The following KIAA0319 variants were observed in gnomAD, a reference collection of about 807,000 sequenced individuals.
KIAA0319 encodes the protein dyslexia-associated protein KIAA0319.
KIAA0319 carries 83 observed loss-of-function variants against 108.4 expected under a neutral mutation model. The observed-to-expected ratio is 0.77, with a 90% confidence interval of 0.64 to 0.92. The LOEUF is 0.92. Among genes scored for constraint, KIAA0319 ranks in the 40% least tolerant of loss-of-function variants. The pLI is 0.00. For synonymous variants in KIAA0319, 484 were observed against 510.4 expected (o/e 0.95, Z 0.70); for missense variants, 1,195 against 1,322.4 (o/e 0.90, Z 1.49).
chr6:24,605,108 TG>T (rs1217762836), intron 1 of KIAA0319, among the ~76,000 whole-genome samples: 2 of 152,260 alleles, frequency 1.3e-5, no homozygotes, highest in Non-Finnish European at 2.9e-5. Flanking sequence ...CCCAAAGTGC[TG>T]GGATTATAGG....
intron 20 of KIAA0319, among the ~76,000 whole-genome samples, 164 bp downstream of exon 20, chr6:24,551,270 G>A (rs1283491014): frequency 6.6e-6 from 1 of 152,014 alleles, no homozygotes; most frequent in South Asian, 2.1e-4. Flanking sequence ...CACTGGGCCC[G>A]GCCTGAAGGT....
Position 24,554,874 on chromosome 6 carries a change from C to T in KIAA0319, c.2858-243G>A, listed in dbSNP as rs558671787. Among the ~76,000 whole-genome samples the T allele has an allele frequency of 5.9e-5, 9 of 152,212 alleles. No individual in the cohort carries two copies. In the East Asian group the frequency reaches 9.7e-4, roughly 16 times the overall value. ...GGCCTCACGGAGCACATATTTCATGCGAACTTGGGAACAGAATAATCTGAA... is the reference window on the plus strand; with the variant it reads ...GGCCTCACGGAGCACATATTTCATGTGAACTTGGGAACAGAATAATCTGAA... On this transcript the variant is annotated intron_variant, in intron 18 of 20. Transcript: ENST00000378214.
chr6:24,640,561 C>T (rs990492962), intron 1 of KIAA0319, among the ~76,000 whole-genome samples: 4 of 152,056 alleles, frequency 2.6e-5, no homozygotes, highest in Non-Finnish European at 4.4e-5. Flanking sequence ...AAGAGATCTG[C>T]GCTTTATTTA....
chr6:24,563,626 AC>A, intron 15 of KIAA0319, 108 bp from the exon 16 acceptor site: 1 of 1,006,478 alleles, frequency 9.9e-7, no homozygotes, highest in Non-Finnish European at 1.4e-6. Context: ...TGCCATTTCT[AC>A]ATTTGAGTTG....
intron 1 of KIAA0319, among the ~76,000 whole-genome samples, chr6:24,619,768 CAG>C (rs1347201540): frequency 1.4e-4 from 22 of 152,292 alleles, no homozygotes; most frequent in Admixed American, 1.3e-3. Context: ...CATGCATCTG[CAG>C]AGAGACCTTA....
intron 3 of KIAA0319, among the ~76,000 whole-genome samples, chr6:24,591,029 T>C (rs1028149969): frequency 1.3e-5 from 2 of 152,226 alleles, no homozygotes; most frequent in African/African-American, 4.8e-5. Flanking sequence ...ACTCATTTAC[T>C]TTAAAACAAC....
At chr6:24,643,705 AT>A (rs1562130501) in intron 1 of KIAA0319, among the ~76,000 whole-genome samples, 1 of 152,258 alleles carries the variant, frequency 6.6e-6, no homozygotes, top group Non-Finnish European at 1.5e-5. Context: ...TATGAAAAAT[AT>A]TTCCTGAAAA....
Position 24,566,668 on chromosome 6 carries a change from A to C in KIAA0319, c.2221T>G (p.Ser741Ala). The change falls in exon 14 of 21, where the codon TCA becomes GCA. Residue 741 changes from serine (S) to alanine (A), a missense_variant. By Grantham distance (99) the Ser-to-Ala change is moderately conservative (BLOSUM62 1). Transcript: ENST00000378214. ...ATTCTTTGGTCATCAGTAGACCTTG[A>C]ACCATCCAAAGTAATGGAATTATTG... The part of the protein sequence containing the change: ...LPNNSITLDG[S>A]RSTDDQRIVS... 1 of 1,613,756 alleles carries C rather than the reference A, an allele frequency of 6.2e-7. No individual in the cohort carries two copies.
chr6:24,575,871 C>T (rs1361692854), intron 10 of KIAA0319, among the ~76,000 whole-genome samples: 2 of 151,744 alleles, frequency 1.3e-5, no homozygotes, highest in Non-Finnish European at 2.9e-5. Context: ...ACACACACAA[C>T]AGAAGTTTCA....
intron 3 of KIAA0319, among the ~76,000 whole-genome samples, chr6:24,590,296 C>G (rs1315552995): frequency 1.3e-5 from 1 of 74,824 alleles, no homozygotes; most frequent in African/African-American, 4.5e-5. Flanking sequence ...AGAACGAAGG[C>G]AAAAAAAAAA....
downstream of KIAA0319, among the ~76,000 whole-genome samples, chr6:24,543,892 C>T (rs368394256): frequency 1.4e-4 from 21 of 152,182 alleles, no homozygotes; most frequent in Non-Finnish European, 1.6e-4. Flanking sequence ...CAGAGGAAGG[C>T]GAGCTGACTG....
Position 24,601,111 on chromosome 6 carries a change from C to G in KIAA0319, c.-8G>C, listed in dbSNP as rs1317043892. ...ACCTGTGGGGGGCGCCATTGTGCAC[C>G]ACACAGTGGGTGATGGCAGGCTTCT... On this transcript the variant is annotated 5_prime_UTR_variant, in exon 2 of 21. Transcript: ENST00000378214. 1 of 1,613,880 alleles carries G rather than the reference C, an allele frequency of 6.2e-7. No individual in the cohort carries two copies. The highest frequency in any genetic ancestry group is 1.3e-5 in the African/African-American group (1 of 74,898).
rs1760347597 is a variant in KIAA0319 at position 24,544,212 on chromosome 6, A to C, written c.*2953T>G. ...TTAACCATTTGAAAACATAAGACCCACTTTTCGGCTCATGGGGCGTGCACA... is the reference window on the plus strand; with the variant it reads ...TTAACCATTTGAAAACATAAGACCCCCTTTTCGGCTCATGGGGCGTGCACA... On this transcript the variant is annotated 3_prime_UTR_variant, in exon 21 of 21. Coordinates refer to ENST00000378214, the MANE Select transcript of KIAA0319 (RefSeq NM_014809.4). The C allele has an allele frequency of 6.6e-6, 1 of 152,188 alleles. No homozygotes were observed. The highest frequency in any genetic ancestry group is 1.5e-5 in the Non-Finnish European group (1 of 68,042). 9.4% of individuals were successfully genotyped at this position (152,188 alleles called of 1,614,324 possible).
rs1469625960 is a variant in KIAA0319, at chr6:24,588,638, T to G, written c.949A>C (p.Thr317Pro). ...PPTSAAPSES[T>P]PSELPISPTT... ...GGAGATATGGGTAGCTCAGATGGGG[T>G]GGACTCAGAGGGGGCTGCGCTAGTG... is the stretch of plus-strand genomic sequence containing the variant. Residue 317 changes from threonine (T) to proline (P), a missense_variant, in exon 4 of 21, where the codon ACC becomes CCC. Transcript: ENST00000378214. 6.2e-7 allele frequency: 1 copy of G among 1,613,940 alleles called. No individual in the cohort carries two copies. Among genetic ancestry groups the G allele is most frequent in the Non-Finnish European group, 8.5e-7 (1 of 1,179,934 alleles).
chr6:24,548,755 AG>A (rs1214631987), intron 20 of KIAA0319, among the ~76,000 whole-genome samples: 3 of 152,242 alleles, frequency 2.0e-5, no homozygotes, highest in Non-Finnish European at 4.4e-5. Flanking sequence ...GGAGAAAGGC[AG>A]GGACCTCACA....
intron 1 of KIAA0319, among the ~76,000 whole-genome samples, chr6:24,602,445 A>G (rs1562044131): frequency 6.6e-6 from 1 of 152,240 alleles, no homozygotes; most frequent in African/African-American, 2.4e-5. Flanking sequence ...TCAGCTATGC[A>G]GAACCGGGGT....
At chr6:24,554,003 G>C (rs1404992198) in intron 19 of KIAA0319, among the ~76,000 whole-genome samples, 3 of 152,214 alleles carry the variant, frequency 2.0e-5, no homozygotes, top group African/African-American at 7.2e-5. Flanking sequence ...GGAATTGAGG[G>C]ACCCAATTTA....
rs745750902 is a variant in KIAA0319 at position 24,576,508 on chromosome 6, T to C, written c.1594A>G (p.Asn532Asp). The change falls in exon 10 of 21, where the codon AAT becomes GAT. Residue 532 changes from asparagine (N) to aspartate (D), a missense_variant. By Grantham distance (23) the Asn-to-Asp change is conservative. Coordinates refer to ENST00000378214, the MANE Select transcript of KIAA0319 (RefSeq NM_014809.4). Reference protein sequence around the residue: ...NNAVDYPPVANAGPNHTITLP... With the variant: ...NNAVDYPPVADAGPNHTITLP... Reference sequence around the variant, plus strand: ...GTTATGGTGTGATTTGGTCCTGCATTAGCAACTGGTGGGTAGTCCACAGCA... The same window carrying C: ...GTTATGGTGTGATTTGGTCCTGCATCAGCAACTGGTGGGTAGTCCACAGCA... 8.7e-6 allele frequency: 14 copies of C among 1,614,028 alleles called. No homozygotes were observed. Among genetic ancestry groups the C allele is most frequent in the Non-Finnish European group, 1.2e-5 (14 of 1,180,020 alleles).
chr6:24,597,098 T>C, intron 2 of KIAA0319, among the ~76,000 whole-genome samples: 1 of 152,154 alleles, frequency 6.6e-6, no homozygotes, highest in Non-Finnish European at 1.5e-5. Flanking sequence ...CATGCACCCT[T>C]CCTTCCATTT....
Sources: allele counts gnomAD v4.1 joint callset (sites outside exome capture counted in the v4.1 genomes callset), GRCh38; gene constraint gnomAD v4.1.1; transcripts MANE v1.5; gene names NCBI Gene and HGNC (gene_info 2026-07-23, HGNC 2026-07-21).